BLM: variants seen among roughly 807,000 people sequenced by gnomAD.
The protein encoded by BLM is BLM RecQ like helicase, also known as recQ-like DNA helicase BLM.
A neutral mutation model predicts 135.3 loss-of-function variants in BLM; 95 were observed. That is an observed-to-expected ratio of 0.70 (90% confidence interval 0.59 to 0.83). The LOEUF (loss-of-function observed/expected upper bound fraction) is 0.83, where lower values mean the gene tolerates loss of function less well. Among genes scored for constraint, BLM ranks in the 40% least tolerant of loss-of-function variants. The probability of loss-of-function intolerance (pLI) is 0.00; values close to 1 mark genes in which losing one functional copy is unlikely to be tolerated. For synonymous variants in BLM, 520 were observed against 589.2 expected (o/e 0.88, Z 1.70); for missense variants, 1,518 against 1,663.9 (o/e 0.91, Z 1.53).
chr15:90,783,862 G>A (rs1432421620), intron 13 of BLM, among the ~76,000 whole-genome samples: 1 of 152,112 alleles, frequency 6.6e-6, no homozygotes, highest in Non-Finnish European at 1.5e-5. Flanking sequence ...CTGCACTCCG[G>A]CCTGGGCGAC....
At chr15:90,772,847 CAGCACTTTGGG>C (rs1291647569) in intron 12 of BLM, among the ~76,000 whole-genome samples, 1 of 152,082 alleles carries the variant, frequency 6.6e-6, no homozygotes, top group Non-Finnish European at 1.5e-5. Flanking sequence ...CCTGTAATCC[CAGCACTTTGGG>C]AGGCCAAGGT....
chr15:90,759,886 C>T (rs1362254898), intron 5 of BLM: 2 of 359,790 alleles, frequency 5.6e-6, no homozygotes, highest in Non-Finnish European at 1.0e-5. Flanking sequence ...GGATTACAGG[C>T]GTGAGCCACC....
In BLM at chr15:90,749,943, G is replaced by GGAT. The variant is rs1555418424; in HGVS notation, c.678_680dup (p.Asp227dup). 1 of 1,614,136 alleles carries GGAT rather than the reference G, an allele frequency of 6.2e-7. No individual in the cohort carries two copies. The highest frequency in any genetic ancestry group is 8.5e-7 in the Non-Finnish European group (1 of 1,179,982). Reference sequence around the variant, plus strand: ...AAATAGATTTGACTGAGGAACAGAAGGATGACTCAGAATGGTTAAGCAGCG... The same window carrying GGAT: ...AAATAGATTTGACTGAGGAACAGAAGGATGATGACTCAGAATGGTTAAGCAGCG... On this transcript the variant is annotated inframe_insertion, in exon 3 of 22. Transcript: ENST00000355112.
intron 12 of BLM, among the ~76,000 whole-genome samples, chr15:90,777,906 A>C (rs1469176053): frequency 6.6e-6 from 1 of 152,176 alleles, no homozygotes; most frequent in Non-Finnish European, 1.5e-5. Context: ...AGGGTCATCC[A>C]TGTTGTAGCA....
intron 12 of BLM, among the ~76,000 whole-genome samples, chr15:90,775,578 A>T (rs1896454436): frequency 6.6e-6 from 1 of 151,470 alleles, no homozygotes; most frequent in South Asian, 2.1e-4. Flanking sequence ...GAGTGCAATG[A>T]CACGATCTCT....
chr15:90,745,265 T>C (rs1895470101), intron 1 of BLM, among the ~76,000 whole-genome samples: 1 of 152,182 alleles, frequency 6.6e-6, no homozygotes, highest in African/African-American at 2.4e-5. Context: ...ATCACTGTAT[T>C]GGATTGAAAC....
intron 16 of BLM, among the ~76,000 whole-genome samples, chr15:90,796,407 G>A (rs1283765289): frequency 6.6e-6 from 1 of 152,132 alleles, no homozygotes; most frequent in South Asian, 2.1e-4. Context: ...CTTTTAAAGG[G>A]CCACAGCATA....
In BLM at chr15:90,765,403, A is replaced by G. The variant is rs1440142847; in HGVS notation, c.2182A>G (p.Thr728Ala). ...TATCGTAGATCAAGTCCAAAAGCTG[A>G]CTTCCTTGGATGTAAGTTATAAAAA... ...SLIVDQVQKL[T>A]SLDIPATYLT... is the part of the protein sequence containing the mutation. The change falls in exon 9 of 22, where the codon ACT (threonine) becomes GCT (alanine). Residue 728 changes from threonine (T) to alanine (A), a missense_variant. By Grantham distance (58) the Thr-to-Ala change is moderately conservative. This residue lies in a region of BLM where 626 missense variants were observed against 681.1 expected (regional missense o/e 0.92). Coordinates refer to ENST00000355112, the MANE Select transcript of BLM (RefSeq NM_000057.4). The G allele has an allele frequency of 1.3e-6, 2 of 1,599,518 alleles. No individual in the cohort carries two copies. The highest frequency in any genetic ancestry group is 2.7e-5 in the African/African-American group (2 of 74,570).
intron 3 of BLM, among the ~76,000 whole-genome samples, chr15:90,751,003 T>TC (rs1001155778): frequency 2.0e-5 from 3 of 152,240 alleles, no homozygotes; most frequent in African/African-American, 7.2e-5. Context: ...CTACTGTAAT[T>TC]CCTTTATGGC....
intron 18 of BLM, 108 bp downstream of exon 18, chr15:90,803,828 A>T: frequency 9.2e-7 from 1 of 1,085,296 alleles, no homozygotes; most frequent in Non-Finnish European, 1.4e-6. Flanking sequence ...GAATTTATAT[A>T]TACTGTTCTA....
intron 1 of BLM, among the ~76,000 whole-genome samples, chr15:90,726,732 A>C (rs1000140269): frequency 7.9e-5 from 12 of 152,360 alleles, no homozygotes; most frequent in East Asian, 1.9e-4. Flanking sequence ...CAATGTCCTC[A>C]GGTTCCATGT....
chr15:90,814,115 G>A (rs558108252), intron 21 of BLM, among the ~76,000 whole-genome samples: 1 of 152,376 alleles, frequency 6.6e-6, no homozygotes, highest in South Asian at 2.1e-4. Context: ...CAGTTCTGCA[G>A]TAAAACTGCC....
chr15:90,723,809 C>A (rs143226555), intron 1 of BLM, among the ~76,000 whole-genome samples: 238 of 152,192 alleles, frequency 1.6e-3, no homozygotes, highest in Middle Eastern at 6.8e-3. Context: ...TCCCCATTTC[C>A]TGAAAGCCCC....
chr15:90,749,314 G>C, intron 2 of BLM, 53 bp from the exon 3 acceptor site: 1 of 1,355,810 alleles, frequency 7.4e-7, no homozygotes, highest in African/African-American at 1.5e-5. Flanking sequence ...TTGTAGAGTT[G>C]GGGGGTTTCT....
At chr15:90,770,275 C>T (rs748015469) in intron 12 of BLM, among the ~76,000 whole-genome samples, 6 of 150,494 alleles carry the variant, frequency 4.0e-5, no homozygotes, top group African/African-American at 1.2e-4. Flanking sequence ...CCGGGGTTCA[C>T]GCCATTCTCC....
chr15:90,815,594 G>T lies in BLM; in HGVS notation c.*315G>T. ...AAGCCAAAGGAAGAGCCACGCGTGGGCCCTTGTGAAACTAAAGCTTTTCGT... is the reference window on the plus strand; with the variant it reads ...AAGCCAAAGGAAGAGCCACGCGTGGTCCCTTGTGAAACTAAAGCTTTTCGT... On this transcript the variant is annotated 3_prime_UTR_variant, in exon 22 of 22. Coordinates refer to ENST00000355112, the MANE Select transcript of BLM (RefSeq NM_000057.4). This position sits in a 1 kb window ranked among gnomAD's most constrained non-coding sequence, Gnocchi z 4.6. The T allele has an allele frequency of 2.7e-6, 1 of 369,428 alleles. No individual in the cohort carries two copies. The highest frequency in any genetic ancestry group is 3.4e-5 in the South Asian group (1 of 29,152). 22.9% of individuals were successfully genotyped at this position (369,428 alleles called of 1,614,324 possible). A position where few individuals can be genotyped will look rare whatever the true frequency, so the allele number is the denominator to read the frequency against.
intron 4 of BLM, among the ~76,000 whole-genome samples, chr15:90,753,275 A>G (rs1330665102): frequency 6.6e-6 from 1 of 152,164 alleles, no homozygotes; most frequent in Admixed American, 6.5e-5. Context: ...GAGAGAAGGA[A>G]TACTAGTAGT....
chr15:90,764,409 T>C (rs901576647), intron 8 of BLM, among the ~76,000 whole-genome samples: 2 of 151,956 alleles, frequency 1.3e-5, no homozygotes, highest in African/African-American at 4.8e-5. Context: ...TGGAATACAG[T>C]GGTGCTATCA....
chr15:90,813,715 C>A (rs1013750165), intron 21 of BLM, among the ~76,000 whole-genome samples: 1 of 152,178 alleles, frequency 6.6e-6, no homozygotes, highest in Non-Finnish European at 1.5e-5. Context: ...TAAGCCCTAC[C>A]AGCTAAAGCC....
Sources: allele counts gnomAD v4.1 joint callset (sites outside exome capture counted in the v4.1 genomes callset), GRCh38; gene constraint gnomAD v4.1.1; regional missense constraint gnomAD v4.1.1; non-coding constraint Gnocchi (gnomAD v3.1); transcripts MANE v1.5; gene names NCBI Gene and HGNC (gene_info 2026-07-23, HGNC 2026-07-21).